The following CNTNAP2 variants were observed in gnomAD, a reference collection of about 807,000 sequenced individuals.
CNTNAP2 encodes the protein contactin-associated protein-like 2.
Under a neutral mutation model 155.2 loss-of-function variants are expected in CNTNAP2, and 98 were observed. The ratio of observed to expected loss-of-function variants is 0.63; its 90% CI spans 0.54 to 0.75. The LOEUF (loss-of-function observed/expected upper bound fraction) is 0.75. CNTNAP2 is among the 30% of genes least tolerant of loss of function. CNTNAP2 has a pLI of 0.00. For synonymous variants in CNTNAP2, 651 were observed against 631.2 expected (o/e 1.03, Z -0.47); for missense variants, 1,727 against 1,688.1 (o/e 1.02, Z -0.40).
At chr7:146,712,384 AC>A (rs1419516127) in intron 1 of CNTNAP2, among the ~76,000 whole-genome samples, 14 of 132,142 alleles carry the variant, frequency 1.1e-4, no homozygotes, top group African/African-American at 3.7e-4. Context: ...TCTTATGTAT[AC>A]TATATATATA....
Position 147,605,714 on chromosome 7 carries a change from G to A in CNTNAP2, c.1898-33392G>A, listed in dbSNP as rs117157626. On this transcript the variant is annotated intron_variant, in intron 12 of 23. Coordinates refer to ENST00000361727, the MANE Select transcript of CNTNAP2 (RefSeq NM_014141.6). ...TTAGAAAGGGAAAGTTCAGAAAAAGGTTCTCCCTGCGCTTTTGGGGGAGAA... is the reference window on the plus strand; with the variant it reads ...TTAGAAAGGGAAAGTTCAGAAAAAGATTCTCCCTGCGCTTTTGGGGGAGAA... 6.0e-4 allele frequency among the ~76,000 whole-genome samples: 92 copies of A among 152,170 alleles called. 2 individuals are homozygous for A. In the East Asian group the frequency reaches 0.014, roughly 23 times the overall value.
chr7:147,249,814 C>T (rs1804153262), intron 8 of CNTNAP2, among the ~76,000 whole-genome samples: 1 of 151,852 alleles, frequency 6.6e-6, no homozygotes, highest in Admixed American at 6.6e-5. Context: ...TACCAAAGTT[C>T]CGTGCTCTTT....
At chr7:146,261,101 T>G (rs1799912793) in intron 1 of CNTNAP2, among the ~76,000 whole-genome samples, 1 of 152,232 alleles carries the variant, frequency 6.6e-6, no homozygotes, top group African/African-American at 2.4e-5. Flanking sequence ...CCTGCCACCA[T>G]GTCAGACGTG....
intron 1 of CNTNAP2, among the ~76,000 whole-genome samples, chr7:146,690,714 T>C (rs528602014): frequency 2.8e-4 from 42 of 152,284 alleles, no homozygotes; most frequent in Admixed American, 5.2e-4. Context: ...TTTTTATGTA[T>C]AAATTATTTA....
At chr7:147,029,784 C>T (rs1798993978) in intron 3 of CNTNAP2, among the ~76,000 whole-genome samples, 1 of 152,024 alleles carries the variant, frequency 6.6e-6, no homozygotes, top group African/African-American at 2.4e-5. Flanking sequence ...TATTTCATGG[C>T]ATAAATTTAT....
chr7:148,258,851 T>G lies in CNTNAP2; in HGVS notation c.3382-8182T>G, dbSNP rs1283510627. ...TTTGAGACAAGCCTGGACAACATAG[T>G]GAGACCCCATCTCTCCTAAAAATAA... is the stretch of plus-strand genomic sequence containing the variant. On this transcript the variant is annotated intron_variant, in intron 20 of 23. Coordinates refer to ENST00000361727, the MANE Select transcript of CNTNAP2 (RefSeq NM_014141.6). Among the ~76,000 whole-genome samples the G allele has an allele frequency of 4.0e-4, 60 of 151,764 alleles. 1 individual carries two copies. The highest frequency in any genetic ancestry group is 3.9e-3 in the Admixed American group (60 of 15,256).
At chr7:148,269,094 G>A (rs1280240169) in intron 21 of CNTNAP2, among the ~76,000 whole-genome samples, 4 of 152,142 alleles carry the variant, frequency 2.6e-5, no homozygotes, top group Admixed American at 2.6e-4. Flanking sequence ...CGGCTGGAGA[G>A]GGAGGCATCC....
At chr7:146,211,223 A>G (rs184964759) in intron 1 of CNTNAP2, among the ~76,000 whole-genome samples, 275 of 152,322 alleles carry the variant, frequency 1.8e-3, no homozygotes, top group African/African-American at 6.1e-3. Context: ...GTTACTGTGC[A>G]TAAAGTTGAC....
chr7:146,796,892 T>G (rs1585094824), intron 2 of CNTNAP2, among the ~76,000 whole-genome samples: 1 of 152,074 alleles, frequency 6.6e-6, no homozygotes, highest in East Asian at 1.9e-4. Flanking sequence ...ATCTCAGCAC[T>G]TTGGGAAGCT....
intron 10 of CNTNAP2, among the ~76,000 whole-genome samples, chr7:147,415,200 C>G (rs1311688087): frequency 6.6e-6 from 1 of 152,140 alleles, no homozygotes; most frequent in Non-Finnish European, 1.5e-5. Flanking sequence ...AGCTCTCACC[C>G]TTATTCTCCC....
intron 15 of CNTNAP2, among the ~76,000 whole-genome samples, chr7:148,063,640 G>A (rs1291719575): frequency 6.6e-6 from 1 of 150,884 alleles, no homozygotes; most frequent in African/African-American, 2.4e-5. Flanking sequence ...TTAGTTACAT[G>A]GAAAACTTCT....
intron 1 of CNTNAP2, among the ~76,000 whole-genome samples, chr7:146,211,077 C>A (rs1285812902): frequency 6.6e-6 from 1 of 151,974 alleles, no homozygotes; most frequent in Non-Finnish European, 1.5e-5. Flanking sequence ...AGAGGCCTTG[C>A]AAACATAAAC....
chr7:148,220,839 A>G (rs1396089536), intron 19 of CNTNAP2, among the ~76,000 whole-genome samples: 1 of 152,164 alleles, frequency 6.6e-6, no homozygotes. Flanking sequence ...TTTCTCCTGG[A>G]TCAGGGTCAA....
intron 15 of CNTNAP2, among the ~76,000 whole-genome samples, chr7:147,994,032 A>G (rs1269981181): frequency 1.3e-5 from 2 of 152,132 alleles, no homozygotes; most frequent in Non-Finnish European, 2.9e-5. Context: ...ACACACACAC[A>G]CATGCAGATA....
chr7:146,985,426 T>TCCTG (rs778070934), intron 3 of CNTNAP2, among the ~76,000 whole-genome samples: 2 of 150,832 alleles, frequency 1.3e-5, no homozygotes, highest in East Asian at 3.9e-4. Context: ...CATGCCATTC[T>TCCTG]CCTGCCTCAG....
chr7:147,381,001 G>A (rs1273428624), intron 9 of CNTNAP2, among the ~76,000 whole-genome samples: 2 of 151,680 alleles, frequency 1.3e-5, no homozygotes, highest in African/African-American at 4.8e-5. Flanking sequence ...TTTTTAAATA[G>A]AGTGAAAAAC....
Position 147,237,532 on chromosome 7 carries a change from A to G in CNTNAP2, c.1349-62609A>G, listed in dbSNP as rs139701786. Among the ~76,000 whole-genome samples, 390 of 152,354 alleles carry G rather than the reference A, an allele frequency of 2.6e-3. 3 individuals carry two copies. Among genetic ancestry groups the G allele is most frequent in the African/African-American group, 8.9e-3 (369 of 41,580 alleles). ...GTGTATCTTATCTACAACTCCATGC[A>G]GCTCATTTCACTTTGCGTTATGAAT... On this transcript the variant is annotated intron_variant, in intron 8 of 23. Coordinates refer to ENST00000361727, the MANE Select transcript of CNTNAP2 (RefSeq NM_014141.6).
At chr7:148,409,044 G>C (rs1799767065) in intron 22 of CNTNAP2, among the ~76,000 whole-genome samples, 1 of 152,218 alleles carries the variant, frequency 6.6e-6, no homozygotes, top group East Asian at 1.9e-4. Context: ...GGTTAAAAGT[G>C]GATGGGAAGC....
intron 13 of CNTNAP2, among the ~76,000 whole-genome samples, chr7:147,752,021 T>A (rs1330279618): frequency 6.6e-6 from 1 of 152,194 alleles, no homozygotes; most frequent in Non-Finnish European, 1.5e-5. Flanking sequence ...CATCCACAGT[T>A]CCTGACATAT....
Sources: gnomAD v4.1 joint callset for allele counts (sites outside exome capture counted in the v4.1 genomes callset) on GRCh38, gnomAD v4.1.1 for gene constraint, MANE v1.5 for transcripts, NCBI Gene and HGNC (gene_info 2026-07-23, HGNC 2026-07-21) for gene names.